SLC27A6: variants seen among roughly 807,000 people sequenced by gnomAD.
The protein encoded by SLC27A6 is solute carrier family 27 member 6.
In SLC27A6, 74 loss-of-function variants were observed where a neutral mutation model predicts 63.9. The ratio of observed to expected loss-of-function variants is 1.16; its 90% CI spans 0.96 to 1.40. The LOEUF (loss-of-function observed/expected upper bound fraction) is 1.40, where lower values mean the gene tolerates loss of function less well. Ranked by LOEUF, SLC27A6 falls within the 40% of genes most tolerant of loss-of-function variation. The pLI is 0.00. For synonymous variants in SLC27A6, 287 were observed against 260.8 expected (o/e 1.10, Z -0.97); for missense variants, 794 against 732.9 (o/e 1.08, Z -0.96).
chr5:128,965,890 G>A lies in SLC27A6; in HGVS notation c.-248G>A. Reference sequence around the variant, plus strand: ...TTCTCGCAGGAGTCGGAGGCTCCCTGCTTTCCAGCCGCCCAGTGACCCAAG... The same window carrying A: ...TTCTCGCAGGAGTCGGAGGCTCCCTACTTTCCAGCCGCCCAGTGACCCAAG... On this transcript the variant is annotated 5_prime_UTR_variant, in exon 1 of 10. Transcript: ENST00000262462. 1 of 385,734 alleles carries A rather than the reference G, an allele frequency of 2.6e-6. No homozygotes were observed. Among genetic ancestry groups the A allele is most frequent in the Non-Finnish European group, 4.6e-6 (1 of 216,920 alleles). The allele number at this position is 385,734 out of a possible 1,614,324, so 23.9% of individuals were successfully genotyped here.
intron 1 of SLC27A6, among the ~76,000 whole-genome samples, chr5:128,972,122 C>G (rs898328477): frequency 1.3e-5 from 2 of 152,092 alleles, no homozygotes; most frequent in East Asian, 1.9e-4. Flanking sequence ...GAGTTTCTGC[C>G]AAGAGATCAG....
In SLC27A6 at chr5:128,988,602, CTA is replaced by C; in HGVS notation, c.689_690del (p.Leu230ProfsTer7). 1 of 1,613,360 alleles carries C rather than the reference CTA, an allele frequency of 6.2e-7. No homozygotes were observed. ...LYIFTSGTTG[L>X]PKAAVISQLQ... ...CCTGTTCTTTTCTTTTCTTCCAGGT[CTA>C]CCAAAAGCAGCTGTGATTAGTCAGC... On this transcript the variant is annotated frameshift_variant, in exon 3 of 10. Coordinates refer to ENST00000262462, the MANE Select transcript of SLC27A6 (RefSeq NM_001017372.3). LOFTEE classifies it high-confidence loss of function.
Position 128,997,705 on chromosome 5 carries a change from T to TAC in SLC27A6, c.969+7243_969+7244dup, listed in dbSNP as rs368532480. 1.5e-3 allele frequency among the ~76,000 whole-genome samples: 231 copies of TAC among 152,372 alleles called. 1 individual carries two copies. The highest frequency in any genetic ancestry group is 5.4e-3 in the African/African-American group (225 of 41,592). On this transcript the variant is annotated intron_variant, in intron 4 of 9. Transcript: ENST00000262462. Reference sequence around the variant, plus strand: ...CCATTTATGCTAATTCCATTGAGGATACATATATCCCGTCTTTGTAAAATT... The same window carrying TAC: ...CCATTTATGCTAATTCCATTGAGGATACACATATATCCCGTCTTTGTAAAATT...
At chr5:129,028,286 T>G in intron 7 of SLC27A6, 59 bp from the exon 8 acceptor site, 1 of 1,110,820 alleles carries the variant, frequency 9.0e-7, no homozygotes, top group South Asian at 1.3e-5. Flanking sequence ...AAACTAAAAC[T>G]GGGTACCTAG....
chr5:128,996,805 AT>A (rs1341252574), intron 4 of SLC27A6, among the ~76,000 whole-genome samples: 1 of 152,172 alleles, frequency 6.6e-6, no homozygotes, highest in African/African-American at 2.4e-5. Context: ...AGAGAATAAA[AT>A]TCCAATAAGG....
chr5:129,014,900 C>G (rs1035619130), intron 4 of SLC27A6, among the ~76,000 whole-genome samples: 1 of 152,132 alleles, frequency 6.6e-6, no homozygotes, highest in African/African-American at 2.4e-5. Context: ...CCAAAATTAC[C>G]TCTCAACTCA....
At chr5:128,973,585 C>T (rs1044464736) in intron 1 of SLC27A6, among the ~76,000 whole-genome samples, 8 of 152,168 alleles carry the variant, frequency 5.3e-5, no homozygotes, top group South Asian at 2.1e-4. Flanking sequence ...AAGCCAGGCA[C>T]GGGATATAGT....
intron 4 of SLC27A6, among the ~76,000 whole-genome samples, chr5:128,991,587 G>A (rs1467632438): frequency 6.6e-6 from 1 of 152,018 alleles, no homozygotes; most frequent in Non-Finnish European, 1.5e-5. Flanking sequence ...ATTATTCTAA[G>A]GTTAAAATAA....
intron 3 of SLC27A6, among the ~76,000 whole-genome samples, chr5:128,989,873 G>C (rs113148221): frequency 2.7e-5 from 4 of 148,866 alleles, no homozygotes; most frequent in Non-Finnish European, 5.9e-5. Flanking sequence ...GCAGTGAGCC[G>C]AGTTCGTGCC....
rs151144946 is a variant in SLC27A6 at position 129,033,125 on chromosome 5, G to A, written c.1703G>A (p.Gly568Glu). ...TTACAGGAAAAAATGGAAGCAACAG[G>A]AACATTCAAACTATTGAAGCATCAG... ...LRIQEKMEAT[G>E]TFKLLKHQLV... is the part of the protein sequence containing the mutation. The change falls in exon 10 of 10, where the codon GGA becomes GAA. Residue 568 changes from glycine to glutamate, a missense_variant. Coordinates refer to ENST00000262462, the MANE Select transcript of SLC27A6 (RefSeq NM_001017372.3). 13 of 1,606,790 alleles carry A rather than the reference G, an allele frequency of 8.1e-6. No individual in the cohort carries two copies. In the African/African-American group the frequency reaches 1.5e-4, roughly 18 times the overall value.
Position 128,965,620 on chromosome 5 carries a change from T to C in SLC27A6, c.-518T>C. 6.5e-6 allele frequency: 1 copy of C among 153,082 alleles called. No homozygotes were observed. Among genetic ancestry groups the C allele is most frequent in the Non-Finnish European group, 1.5e-5 (1 of 68,590 alleles). 9.5% of individuals were successfully genotyped at this position (153,082 alleles called of 1,614,324 possible). A position where few individuals can be genotyped will look rare whatever the true frequency, so the allele number is the denominator to read the frequency against. Reference sequence around the variant, plus strand: ...AGCTTTTCCCGGCTCGAATTCAGCCTCCAACTCAAGCTCGCGGGAAAGACT... The same window carrying C: ...AGCTTTTCCCGGCTCGAATTCAGCCCCCAACTCAAGCTCGCGGGAAAGACT... On this transcript the variant is annotated 5_prime_UTR_variant, in exon 1 of 10. Coordinates refer to ENST00000262462, the MANE Select transcript of SLC27A6 (RefSeq NM_001017372.3).
intron 4 of SLC27A6, among the ~76,000 whole-genome samples, chr5:128,996,281 T>C (rs996354323): frequency 3.3e-5 from 5 of 152,002 alleles, no homozygotes; most frequent in Non-Finnish European, 2.9e-5. Flanking sequence ...AGGCATAGTC[T>C]ATACTTATTA....
At chr5:128,986,371 A>T (rs1298030803) in intron 2 of SLC27A6, among the ~76,000 whole-genome samples, 1 of 152,170 alleles carries the variant, frequency 6.6e-6, no homozygotes, top group Non-Finnish European at 1.5e-5. Flanking sequence ...TCTAGGAAAA[A>T]CTGAATGGTA....
Position 129,014,052 on chromosome 5 carries a change from T to C in SLC27A6, c.970-1833T>C, listed in dbSNP as rs910912419. On this transcript the variant is annotated intron_variant, in intron 4 of 9. Transcript: ENST00000262462. ...ACTGACCAGTTTCCTTGATAGTAAC[T>C]GAACAGTTTCCTGCTCTGGTATATG... Among the ~76,000 whole-genome samples the C allele has an allele frequency of 1.7e-4, 26 of 152,294 alleles. 3 individuals are homozygous for C. Among genetic ancestry groups the C allele is most frequent in the Admixed American group, 1.6e-3 (24 of 15,290 alleles).
At chr5:129,001,647 C>T (rs10214294) in intron 4 of SLC27A6, among the ~76,000 whole-genome samples, 35,013 of 152,042 alleles carry the variant, frequency 0.23, 5,148 homozygotes, top group East Asian at 0.7. Context: ...TCTTTGTTTT[C>T]ATGATGAATT....
chr5:129,021,203 A>G (rs1752065061), intron 5 of SLC27A6, among the ~76,000 whole-genome samples: 1 of 149,756 alleles, frequency 6.7e-6, no homozygotes, highest in Non-Finnish European at 1.5e-5. Context: ...TTTTAGACAA[A>G]AAAATGTACT....
chr5:129,024,486 G>T (rs1752170245), intron 6 of SLC27A6, among the ~76,000 whole-genome samples: 1 of 152,070 alleles, frequency 6.6e-6, no homozygotes, highest in South Asian at 2.1e-4. Context: ...TATTAAGTGA[G>T]GTTATTGTGG....
At chr5:129,028,692 T>A (rs1439383419) in intron 8 of SLC27A6, among the ~76,000 whole-genome samples, 1 of 151,604 alleles carries the variant, frequency 6.6e-6, no homozygotes, top group Non-Finnish European at 1.5e-5. Flanking sequence ...TTGAAAACTC[T>A]GATCAATGTC....
intron 4 of SLC27A6, among the ~76,000 whole-genome samples, chr5:128,994,612 A>G (rs1455252602): frequency 6.6e-6 from 1 of 152,160 alleles, no homozygotes; most frequent in Non-Finnish European, 1.5e-5. Flanking sequence ...ACCTTCAAAG[A>G]ATTAAAATTG....
Sources: allele counts gnomAD v4.1 joint callset (sites outside exome capture counted in the v4.1 genomes callset), GRCh38; gene constraint gnomAD v4.1.1; transcripts MANE v1.5; gene names NCBI Gene and HGNC (gene_info 2026-07-23, HGNC 2026-07-21).